NCKAP5: variants seen among roughly 807,000 people sequenced by gnomAD.
NCKAP5 encodes the protein nck-associated protein 5.
In NCKAP5, 92 loss-of-function variants were observed where a neutral mutation model predicts 167.0. That is an observed-to-expected ratio of 0.55 (90% CI 0.47 to 0.66). The LOEUF (loss-of-function observed/expected upper bound fraction) is 0.66. Ranked by LOEUF, NCKAP5 falls within the 30% of genes least tolerant of loss-of-function variation. The pLI is 0.00. For synonymous variants in NCKAP5, 891 were observed against 877.4 expected (o/e 1.02, Z -0.27); for missense variants, 2,378 against 2,315.0 (o/e 1.03, Z -0.56).
At chr2:132,707,449 C>T (rs1688470110) in intron 19 of NCKAP5, among the ~76,000 whole-genome samples, 1 of 152,218 alleles carries the variant, frequency 6.6e-6, no homozygotes, top group South Asian at 2.1e-4. Context: ...GACTGCAACT[C>T]TTGGGCAAGT....
intron 8 of NCKAP5, among the ~76,000 whole-genome samples, chr2:132,892,713 T>C (rs1374743): frequency 0.34 from 50,956 of 151,794 alleles, 8,804 homozygotes; most frequent in African/African-American, 0.38. Flanking sequence ...AACTCTGAGG[T>C]AGATAGGATC....
At chr2:133,155,949 C>A (rs1326740017) in intron 5 of NCKAP5, among the ~76,000 whole-genome samples, 3 of 152,194 alleles carry the variant, frequency 2.0e-5, no homozygotes, top group Admixed American at 1.3e-4. Flanking sequence ...GTGGTGAACT[C>A]TGACTAATAT....
At chr2:133,228,171 T>C (rs2150235943) in intron 4 of NCKAP5, among the ~76,000 whole-genome samples, 1 of 152,340 alleles carries the variant, frequency 6.6e-6, no homozygotes, top group Non-Finnish European at 1.5e-5. Flanking sequence ...GTCCTGTCCC[T>C]TATAGGTTGG....
intron 8 of NCKAP5, among the ~76,000 whole-genome samples, chr2:132,886,570 G>A (rs893036153): frequency 6.6e-5 from 10 of 152,250 alleles, no homozygotes; most frequent in South Asian, 2.1e-4. Flanking sequence ...TCTCTTTAGC[G>A]TCCTCTCATA....
chr2:133,611,159 T>C, the NCKAP5 span, among the ~76,000 whole-genome samples: 3 of 151,952 alleles, frequency 2.0e-5, no homozygotes, highest in African/African-American at 7.3e-5. Context: ...GAACAGGAGG[T>C]GAAGTGTTTC....
chr2:133,347,776 C>T (rs1684077318), intron 3 of NCKAP5, among the ~76,000 whole-genome samples: 1 of 152,096 alleles, frequency 6.6e-6, no homozygotes, highest in African/African-American at 2.4e-5. Flanking sequence ...TTAGCAAGTG[C>T]CTTTCCCTGA....
At chr2:133,154,676 GC>G (rs1270829765) in intron 5 of NCKAP5, among the ~76,000 whole-genome samples, 28 of 152,216 alleles carry the variant, frequency 1.8e-4, no homozygotes, top group African/African-American at 6.3e-4. Context: ...GTGCTGGACT[GC>G]AATTGATTCA....
At chr2:133,211,271 C>A (rs2086201517) in intron 5 of NCKAP5, among the ~76,000 whole-genome samples, 1 of 152,128 alleles carries the variant, frequency 6.6e-6, no homozygotes, top group South Asian at 2.1e-4. Context: ...TGCTCTGTCA[C>A]CCAGGCTGGG....
the NCKAP5 span, among the ~76,000 whole-genome samples, chr2:133,624,407 G>A: frequency 2.3e-4 from 35 of 152,148 alleles, no homozygotes; most frequent in South Asian, 7.1e-3. Context: ...TTCTACCCAT[G>A]AGTGTCTCAG....
intron 3 of NCKAP5, among the ~76,000 whole-genome samples, chr2:133,441,079 T>TAC (rs1444402599): frequency 3.1e-5 from 3 of 96,790 alleles, no homozygotes; most frequent in Admixed American, 2.4e-4. Context: ...TCTCACACCC[T>TAC]ACAGACACAC....
chr2:133,531,389 CTACT>C (rs1685352841), intron 2 of NCKAP5, among the ~76,000 whole-genome samples: 1 of 151,636 alleles, frequency 6.6e-6, no homozygotes, highest in South Asian at 2.1e-4. Flanking sequence ...ACATTTTTTT[CTACT>C]TACTTTTTCT....
At chr2:133,556,820 A>G (rs1392341181) in intron 2 of NCKAP5, 1 of 152,238 alleles carries the variant, frequency 6.6e-6, no homozygotes, top group East Asian at 1.9e-4. Flanking sequence ...GGAGACTACT[A>G]TTAAGCAGAT....
chr2:132,716,776 C>G (rs1271796119), intron 19 of NCKAP5, among the ~76,000 whole-genome samples: 2 of 152,176 alleles, frequency 1.3e-5, no homozygotes, highest in East Asian at 3.9e-4. Context: ...GGAGGGTAAA[C>G]TCATTCTGTC....
chr2:133,174,325 C>T (rs975224333), intron 5 of NCKAP5, among the ~76,000 whole-genome samples: 2 of 152,120 alleles, frequency 1.3e-5, no homozygotes, highest in African/African-American at 4.8e-5. Flanking sequence ...GATCTTAATA[C>T]TAGGGATGTT....
intron 3 of NCKAP5, among the ~76,000 whole-genome samples, chr2:133,310,449 G>A (rs749246019): frequency 6.6e-6 from 1 of 152,202 alleles, no homozygotes; most frequent in Non-Finnish European, 1.5e-5. Flanking sequence ...GCCTCCGCAA[G>A]GTGGAATCCC....
At chr2:133,488,138 A>T (rs997531232) in intron 3 of NCKAP5, among the ~76,000 whole-genome samples, 3 of 152,240 alleles carry the variant, frequency 2.0e-5, no homozygotes, top group Non-Finnish European at 2.9e-5. Flanking sequence ...CAAAGTGCAT[A>T]GCACAGATTA....
chr2:133,454,009 G>T (rs1243703359), intron 3 of NCKAP5, among the ~76,000 whole-genome samples: 1 of 151,924 alleles, frequency 6.6e-6, no homozygotes, highest in Non-Finnish European at 1.5e-5. Flanking sequence ...AACAGTAATG[G>T]TTTTCTGTTA....
chr2:133,012,484 A>G (rs1021879635), intron 6 of NCKAP5, among the ~76,000 whole-genome samples: 2 of 152,060 alleles, frequency 1.3e-5, no homozygotes, highest in East Asian at 1.9e-4. Context: ...TCCTGACCTC[A>G]TGATCTGCCC....
intron 9 of NCKAP5, among the ~76,000 whole-genome samples, chr2:132,875,272 A>C (rs1691178262): frequency 6.6e-6 from 1 of 152,072 alleles, no homozygotes; most frequent in Admixed American, 6.5e-5. Context: ...TACAGAGGAG[A>C]AGCACTTGCT....
Sources: allele counts gnomAD v4.1 joint callset (sites outside exome capture counted in the v4.1 genomes callset), GRCh38; gene constraint gnomAD v4.1.1; transcripts MANE v1.5; gene names NCBI Gene and HGNC (gene_info 2026-07-23, HGNC 2026-07-21).